Variants in RSPH10B observed in about 807,000 individuals in gnomAD.
RSPH10B encodes the protein radial spoke head 10 homolog B (Chlamydomonas).
RSPH10B carries 7 observed loss-of-function variants against 52.5 expected under a neutral mutation model. That is an observed-to-expected ratio of 0.13 (90% CI 0.08 to 0.25). The LOEUF is 0.25. RSPH10B is among the 10% of genes least tolerant of loss of function. The pLI, the probability that RSPH10B is intolerant of heterozygous loss-of-function variation, is 1.00. For synonymous variants in RSPH10B, 28 were observed against 193.2 expected (o/e 0.14, Z 7.09); for missense variants, 89 against 542.5 (o/e 0.16, Z 8.30).
In RSPH10B at chr7:5,943,018, G is replaced by A. The variant is rs183294544; in HGVS notation, c.1758+306C>T. Among the ~76,000 whole-genome samples the A allele has an allele frequency of 7.6e-3, 1,124 of 148,270 alleles. 27 individuals carry two copies. Among genetic ancestry groups the A allele is most frequent in the African/African-American group, 0.027 (1,088 of 39,996 alleles). ...TGACCTCAGGTGATCCGCCCACCTC[G>A]GCCTCTCAAAGTGCTGGGATTGCAA... On this transcript the variant is annotated intron_variant, in intron 13 of 18. Coordinates refer to ENST00000337579, the Ensembl canonical transcript of RSPH10B.
At chr7:5,933,757 A>G (rs1779895283) in intron 16 of RSPH10B, among the ~76,000 whole-genome samples, 1 of 101,444 alleles carries the variant, frequency 9.9e-6, no homozygotes, top group Non-Finnish European at 2.1e-5. Flanking sequence ...ACAGAGCGAG[A>G]CTCTGTCTCA....
At chr7:5,968,792 T>A (rs765728032), upstream of RSPH10B, among the ~76,000 whole-genome samples, 2 of 52,930 alleles carry the variant, frequency 3.8e-5, 1 homozygote, top group Non-Finnish European at 9.1e-5. Flanking sequence ...CAGGCGTGAG[T>A]CACCGGGTGT....
chr7:5,928,691 G>C (rs1299280208), intron 17 of RSPH10B, among the ~76,000 whole-genome samples: 3 of 148,608 alleles, frequency 2.0e-5, no homozygotes, highest in African/African-American at 5.0e-5. Context: ...GAGTGCAGTG[G>C]CGTGATCTCT....
At chr7:5,954,987 C>CAAAAAAAA (rs1780696380) in intron 7 of RSPH10B, among the ~76,000 whole-genome samples, 1 of 15,780 alleles carries the variant, frequency 6.3e-5, no homozygotes, top group Non-Finnish European at 1.1e-4. Context: ...CCTGTAACTA[C>CAAAAAAAA]TAAAAAAAAA....
chr7:5,966,592 T>G lies in RSPH10B; in HGVS notation c.254+271A>C, dbSNP rs1583254289. Among the ~76,000 whole-genome samples, 2 of 69,460 alleles carry G rather than the reference T, an allele frequency of 2.9e-5. 1 individual carries two copies. Among genetic ancestry groups the G allele is most frequent in the Admixed American group, 3.6e-4 (2 of 5,628 alleles). The allele number at this position is 69,460 out of a possible 152,430, so 45.6% of individuals were successfully genotyped here. On this transcript the variant is annotated intron_variant, in intron 1 of 18. Coordinates refer to ENST00000337579, the Ensembl canonical transcript of RSPH10B. Reference sequence around the variant, plus strand: ...CAGGTGGCTCACCTGAGGTCAGGAGTTCGAGACCAGCCTGGCCAACAGGGT... The same window carrying G: ...CAGGTGGCTCACCTGAGGTCAGGAGGTCGAGACCAGCCTGGCCAACAGGGT...
chr7:5,927,733 C>T (rs1335671159), intron 18 of RSPH10B, among the ~76,000 whole-genome samples: 2 of 147,116 alleles, frequency 1.4e-5, no homozygotes, highest in Non-Finnish European at 3.0e-5. Flanking sequence ...GTCAGGAGTT[C>T]GAGACCAGCC....
At chr7:5,957,853 G>C (rs1176856349) in intron 6 of RSPH10B, 54 bp downstream of exon 8, 2 of 1,435,412 alleles carry the variant, frequency 1.4e-6, no homozygotes, top group East Asian at 3.9e-5. Flanking sequence ...CATGTGTTGA[G>C]AATCGGCGGA....
rs534893887 is a variant in RSPH10B at position 5,928,833 on chromosome 7, C to T, written c.2234-439G>A. Among the ~76,000 whole-genome samples the T allele has an allele frequency of 2.7e-3, 398 of 149,672 alleles. 4 individuals carry two copies. Among genetic ancestry groups the T allele is most frequent in the African/African-American group, 9.2e-3 (370 of 40,196 alleles). ...TAGAGATGAGGTTTCACCATGTTGGCCAGGCTGGTCTCGAACTCTTAACCT... is the reference window on the plus strand; with the variant it reads ...TAGAGATGAGGTTTCACCATGTTGGTCAGGCTGGTCTCGAACTCTTAACCT... On this transcript the variant is annotated intron_variant, in intron 17 of 18. Coordinates refer to ENST00000337579, the Ensembl canonical transcript of RSPH10B.
At position 5,927,058 on chromosome 7, in the gene RSPH10B, G is replaced by GTATATT. The variant is rs1562553153; in HGVS notation, c.2433-511_2433-510insAATATA. Among the ~76,000 whole-genome samples the GTATATT allele has an allele frequency of 1.7e-3, 143 of 82,852 alleles. 1 individual carries two copies. The Middle Eastern group carries it at 0.021, about 12-fold the overall frequency. 54.4% of individuals were successfully genotyped at this position (82,852 alleles called of 152,430 possible). On this transcript the variant is annotated intron_variant, in intron 18 of 18. Transcript: ENST00000337579. ...GTGTGTGTGTGTGTATTATGTGTGT[G>GTATATT]TGTGTGTGTATATGTGTGTGTGTGT...
At chr7:5,940,119 C>T (rs1325121302) in intron 13 of RSPH10B, among the ~76,000 whole-genome samples, 2 of 121,674 alleles carry the variant, frequency 1.6e-5, no homozygotes, top group Non-Finnish European at 1.9e-5. Flanking sequence ...ATCACTTGAG[C>T]CCAGGAGGCA....
At chr7:5,928,617 C>G (rs1292293357) in intron 17 of RSPH10B, among the ~76,000 whole-genome samples, 1 of 144,720 alleles carries the variant, frequency 6.9e-6, no homozygotes, top group Non-Finnish European at 1.5e-5. Context: ...TTCCTGCTAC[C>G]TCGTTTTTTC....
chr7:5,931,565 C>G (rs1195667034), intron 17 of RSPH10B, among the ~76,000 whole-genome samples: 2 of 150,752 alleles, frequency 1.3e-5, no homozygotes, highest in Non-Finnish European at 3.0e-5. Context: ...ATCTCTTTAA[C>G]AAACAAAGAC....
At chr7:5,963,890 A>C (rs1583250578) in intron 3 of RSPH10B, among the ~76,000 whole-genome samples, 1 of 100,186 alleles carries the variant, frequency 1.0e-5, no homozygotes, top group African/African-American at 3.9e-5. Context: ...AACATGGCAA[A>C]CCCTGTCTCT....
intron 3 of RSPH10B, chr7:5,963,370 C>T (rs112187542): frequency 0.1 from 14,853 of 142,960 alleles, 262 homozygotes; most frequent in South Asian, 0.18. Context: ...GACGGTCAGC[C>T]CCTCCCTCCC....
chr7:5,956,603 ACT>A (rs1330182310), intron 6 of RSPH10B, among the ~76,000 whole-genome samples: 2 of 147,848 alleles, frequency 1.4e-5, no homozygotes, highest in South Asian at 2.1e-4. Flanking sequence ...AAAGGGTCTC[ACT>A]CTGTTACCCA....
intron 13 of RSPH10B, among the ~76,000 whole-genome samples, chr7:5,939,577 C>A (rs1780081379): frequency 2.2e-5 from 1 of 45,698 alleles, no homozygotes; most frequent in Non-Finnish European, 4.1e-5. Flanking sequence ...AAGCAAGAAC[C>A]TGTCTCAAAC....
exon 13 of RSPH10B, chr7:5,943,393 G>A (rs762107576): frequency 6.2e-7 from 1 of 1,603,934 alleles, no homozygotes; most frequent in Non-Finnish European, 8.5e-7. Flanking sequence ...TGGGTCTGCA[G>A]TAAGCGAGAT....
intron 11 of RSPH10B, 24 bp from the exon 14 acceptor site, chr7:5,944,014 C>T: frequency 6.2e-7 from 1 of 1,609,728 alleles, no homozygotes; most frequent in Non-Finnish European, 8.5e-7. Flanking sequence ...CAAAAGATAC[C>T]ATAGTTACTT....
intron 17 of RSPH10B, among the ~76,000 whole-genome samples, chr7:5,929,001 C>A (rs567878593): frequency 1.4e-5 from 2 of 146,410 alleles, no homozygotes; most frequent in Non-Finnish European, 3.0e-5. Flanking sequence ...TAAAAAAACT[C>A]GTTTCTCTTG....
Sources: gnomAD v4.1 joint callset for allele counts (sites outside exome capture counted in the v4.1 genomes callset) on GRCh38, gnomAD v4.1.1 for gene constraint, MANE v1.5 for transcripts, NCBI Gene and HGNC (gene_info 2026-07-23, HGNC 2026-07-21) for gene names.